The following TOMM20L variants were observed in gnomAD, a reference collection of about 807,000 sequenced individuals.
TOMM20L encodes the protein translocase of outer mitochondrial membrane 20 like, also known as TOMM20-like protein 1.
Under a neutral mutation model 20.4 loss-of-function variants are expected in TOMM20L, and 19 were observed. The observed-to-expected ratio is 0.93, with a 90% CI of 0.65 to 1.36. TOMM20L has a LOEUF of 1.36. TOMM20L is among the 40% of genes most tolerant of loss of function. TOMM20L has a pLI of 0.00. For missense variants in TOMM20L, 218 were observed against 203.7 expected, an observed-to-expected ratio of 1.07 and a Z score of -0.43; for synonymous variants, 75 against 79.6, an observed-to-expected ratio of 0.94 and a Z score of 0.30.
chr14:58,409,373 C>T (rs1431930414), downstream of TOMM20L, among the ~76,000 whole-genome samples: 1 of 152,040 alleles, frequency 6.6e-6, no homozygotes, highest in Admixed American at 6.6e-5. Flanking sequence ...GAATGCCTGC[C>T]AGTTTGTAGT....
chr14:58,397,445 G>A (rs1311690078), intron 2 of TOMM20L, among the ~76,000 whole-genome samples: 1 of 152,204 alleles, frequency 6.6e-6, no homozygotes, highest in Non-Finnish European at 1.5e-5. Flanking sequence ...GCAAGGTTTT[G>A]AAAGCACTTG....
At chr14:58,397,406 G>T (rs1026762064) in intron 2 of TOMM20L, among the ~76,000 whole-genome samples, 4 of 152,190 alleles carry the variant, frequency 2.6e-5, no homozygotes, top group Non-Finnish European at 5.9e-5. Flanking sequence ...AAAGGGAGAG[G>T]AAATAGATTC....
At position 58,402,793 on chromosome 14, in the gene TOMM20L, G is replaced by A. The variant is rs72716987; in HGVS notation, c.262+32G>A. 1.2e-3 allele frequency: 1,675 copies of A among 1,423,490 alleles called. 4 individuals carry two copies. The highest frequency in any genetic ancestry group is 6.9e-3 in the Middle Eastern group (39 of 5,616). 88.2% of individuals were successfully genotyped at this position (1,423,490 alleles called of 1,614,324 possible). A position where few individuals can be genotyped will look rare whatever the true frequency, so the allele number is the denominator to read the frequency against. On this transcript the variant is annotated intron_variant, in intron 3 of 4. Transcript: ENST00000360945. ...ATGTAAATGTTCTTTTGTGAGTTAT[G>A]ACAGCTTATACTTGAGAAATATTTA...
intron 1 of TOMM20L, 56 bp from the exon 2 acceptor site, chr14:58,396,242 C>T: frequency 1.2e-6 from 2 of 1,607,356 alleles, no homozygotes; most frequent in Non-Finnish European, 1.7e-6. Flanking sequence ...ACCACTGGGC[C>T]CACGCGTGCC....
chr14:58,404,119 A>ATATATATATATATAT, intron 3 of TOMM20L, among the ~76,000 whole-genome samples: 1 of 8,354 alleles, frequency 1.2e-4, no homozygotes, highest in African/African-American at 3.3e-4. Flanking sequence ...ATATATATAT[A>ATATATATATATATAT]TTTTTTTTTT....
At position 58,396,054 on chromosome 14, in the gene TOMM20L, CGGCGCGGGGACCCCGCGTTCAA is replaced by C; in HGVS notation, c.99_120del (p.Arg34AlafsTer62). 1 of 1,418,808 alleles carries C rather than the reference CGGCGCGGGGACCCCGCGTTCAA, an allele frequency of 7.0e-7. No homozygotes were observed. Among genetic ancestry groups the C allele is most frequent in the East Asian group, 2.8e-5 (1 of 35,246 alleles). The allele number at this position is 1,418,808 out of a possible 1,614,324, so 87.9% of individuals were successfully genotyped here. A position where few individuals can be genotyped will look rare whatever the true frequency, so the allele number is the denominator to read the frequency against. On this transcript the variant is annotated frameshift_variant, in exon 1 of 5. Transcript: ENST00000360945. LOFTEE classifies it high-confidence loss of function. ...CTATTGTATTTACCTCAACCGGAAG[CGGCGCGGGGACCCCGCGTTCAA>C]GCGCCGCCTGCGGGACAGTGAGTGG...
downstream of TOMM20L, among the ~76,000 whole-genome samples, chr14:58,411,575 T>G (rs1223464408): frequency 2.6e-5 from 4 of 152,004 alleles, no homozygotes; most frequent in East Asian, 7.7e-4. Flanking sequence ...AGTCTTGCTC[T>G]GTCACCCAGG....
At chr14:58,407,191 C>T in intron 3 of TOMM20L, 135 bp from the exon 4 acceptor site, 1 of 782,172 alleles carries the variant, frequency 1.3e-6, no homozygotes, top group Non-Finnish European at 2.0e-6. Flanking sequence ...GTACTCTACT[C>T]TTCACAAGAC....
At chr14:58,403,076 G>T (rs1299514310) in intron 3 of TOMM20L, among the ~76,000 whole-genome samples, 1 of 152,190 alleles carries the variant, frequency 6.6e-6, no homozygotes, top group Non-Finnish European at 1.5e-5. Context: ...AAAACTTTTT[G>T]CCAGGTGTGG....
Position 58,404,099 on chromosome 14 carries a change from G to GTGTGTGTATATATATA in TOMM20L, c.262+1339_262+1340insGTGTGTATATATATAT, listed in dbSNP as rs1408980666. The stretch of plus-strand genomic sequence containing the variant: ...GTACAATGTATATATACATATATAT[G>GTGTGTGTATATATATA]TATATATATATATATATATATTTTT... On this transcript the variant is annotated intron_variant, in intron 3 of 4. Coordinates refer to ENST00000360945, the MANE Select transcript of TOMM20L (RefSeq NM_207377.3). 1.9e-3 allele frequency among the ~76,000 whole-genome samples: 43 copies of GTGTGTGTATATATATA among 22,940 alleles called. 6 individuals are homozygous for GTGTGTGTATATATATA. Among genetic ancestry groups the GTGTGTGTATATATATA allele is most frequent in the South Asian group, 5.7e-3 (3 of 526 alleles). 15.0% of individuals were successfully genotyped at this position (22,940 alleles called of 152,430 possible).
intron 3 of TOMM20L, among the ~76,000 whole-genome samples, chr14:58,405,183 G>C (rs1162744800): frequency 6.6e-6 from 1 of 152,084 alleles, no homozygotes; most frequent in Non-Finnish European, 1.5e-5. Flanking sequence ...GGTCAGGCTG[G>C]TCTCAAACTC....
downstream of TOMM20L, among the ~76,000 whole-genome samples, chr14:58,412,482 C>T (rs2140316812): frequency 6.6e-6 from 1 of 152,286 alleles, no homozygotes; most frequent in African/African-American, 2.4e-5. Context: ...CTCAAAGGCC[C>T]TGTCTATCAA....
At chr14:58,410,927 A>C, downstream of TOMM20L, 2 of 1,612,082 alleles carry the variant, frequency 1.2e-6, no homozygotes, top group Non-Finnish European at 1.7e-6. Flanking sequence ...AGGTCCCCAG[A>C]AATTCCTTAA....
the TOMM20L span, among the ~76,000 whole-genome samples, chr14:58,416,668 T>C: frequency 6.6e-6 from 1 of 152,254 alleles, no homozygotes; most frequent in Non-Finnish European, 1.5e-5. Context: ...GCAAAAATTA[T>C]AAAACCATCT....
intron 2 of TOMM20L, among the ~76,000 whole-genome samples, chr14:58,398,404 A>G (rs2035952666): frequency 6.6e-6 from 1 of 152,186 alleles, no homozygotes; most frequent in African/African-American, 2.4e-5. Context: ...TGTAATGTTC[A>G]AGGAGTATTA....
the TOMM20L span, among the ~76,000 whole-genome samples, chr14:58,414,435 C>T: frequency 2.6e-5 from 4 of 151,750 alleles, no homozygotes; most frequent in South Asian, 6.2e-4. Context: ...TTTTTCTTAT[C>T]CTATAAAATC....
intron 3 of TOMM20L, among the ~76,000 whole-genome samples, chr14:58,405,275 G>A (rs1272258862): frequency 6.6e-6 from 1 of 152,002 alleles, no homozygotes; most frequent in Non-Finnish European, 1.5e-5. Context: ...GCCACCCCTA[G>A]TAATTTTGTA....
At chr14:58,404,117 A>ATTTTTTTTT (rs1198718876) in intron 3 of TOMM20L, among the ~76,000 whole-genome samples, 1 of 13,456 alleles carries the variant, frequency 7.4e-5, no homozygotes, top group Non-Finnish European at 1.9e-4. Context: ...ATATATATAT[A>ATTTTTTTTT]TATTTTTTTT....
chr14:58,411,956 T>G (rs747534254), downstream of TOMM20L: 2 of 1,613,202 alleles, frequency 1.2e-6, no homozygotes, highest in East Asian at 4.5e-5. Flanking sequence ...ATTCTTCTGG[T>G]ACCTTTATTA....
Sources: gnomAD v4.1 joint callset for allele counts (sites outside exome capture counted in the v4.1 genomes callset) on GRCh38, gnomAD v4.1.1 for gene constraint, MANE v1.5 for transcripts, NCBI Gene and HGNC (gene_info 2026-07-23, HGNC 2026-07-21) for gene names.